Variants in ATRX observed in about 807,000 individuals in gnomAD.
ATRX encodes the protein chromatin remodeler ATRX.
ATRX carries 12 observed loss-of-function variants against 172.6 expected under a neutral mutation model. The ratio of observed to expected loss-of-function variants is 0.07; its 90% CI spans 0.04 to 0.11. ATRX has a LOEUF of 0.11. Ranked by LOEUF, ATRX falls within the 10% of genes least tolerant of loss-of-function variation. ATRX has a pLI of 1.00. For synonymous variants in ATRX, 674 were observed against 594.7 expected (o/e 1.13, Z -1.94); for missense variants, 1,368 against 1,767.4 (o/e 0.77, Z 4.05).
chrX:77,782,643 C>T (rs1440068190), intron 1 of ATRX, among the ~76,000 whole-genome samples: 1 of 111,490 alleles, frequency 9.0e-6, no homozygotes, highest in Non-Finnish European at 1.9e-5. Context: ...ATCCCAGCTA[C>T]TTGGGAGGCT....
chrX:77,572,235 A>G (rs192880620), intron 28 of ATRX, among the ~76,000 whole-genome samples: 70 of 111,412 alleles, frequency 6.3e-4, no homozygotes, highest in African/African-American at 2.1e-3. Flanking sequence ...GAAATCCTAA[A>G]TTCACCAAAC....
At chrX:77,739,297 GT>G (rs1885195581) in intron 1 of ATRX, among the ~76,000 whole-genome samples, 1 of 109,526 alleles carries the variant, frequency 9.1e-6, no homozygotes, top group Non-Finnish European at 1.9e-5. Flanking sequence ...TCCCATCCAG[GT>G]TACTGCAAAT....
Position 77,657,946 on chromosome X carries a change from C to T in ATRX, c.4121-1293G>A, listed in dbSNP as rs966129395. Among the ~76,000 whole-genome samples, 7 of 112,145 alleles carry T rather than the reference C, an allele frequency of 6.2e-5. No individual in the cohort carries two copies. In the South Asian group the frequency reaches 2.2e-3, roughly 36 times the overall value. The stretch of plus-strand genomic sequence containing the variant: ...ATTGACGGCTGGGCATGGTGGCTCA[C>T]CCCTGTAATCCCAGCCCTTTGGGAG... On this transcript the variant is annotated intron_variant, in intron 12 of 34. Transcript: ENST00000373344.
chrX:77,507,547 G>A lies in ATRX; in HGVS notation c.*804C>T, dbSNP rs1166922988. ...CAGTTAAGAGATGTGCTTTATATTC[G>A]TGCCAGGAGAGAGAAAATTCATGTG... On this transcript the variant is annotated 3_prime_UTR_variant, in exon 35 of 35. Coordinates refer to ENST00000373344, the MANE Select transcript of ATRX (RefSeq NM_000489.6). 1.7e-5 allele frequency: 3 copies of A among 173,087 alleles called. No homozygotes were observed. The highest frequency in any genetic ancestry group is 8.2e-5 in the East Asian group (1 of 12,223). The allele number at this position is 173,087 out of a possible 1,213,427, so 14.3% of individuals were successfully genotyped here.
intron 13 of ATRX, among the ~76,000 whole-genome samples, chrX:77,655,138 G>C (rs1318320194): frequency 9.0e-6 from 1 of 110,980 alleles, no homozygotes; most frequent in Non-Finnish European, 1.9e-5. Flanking sequence ...CTTCAGGGAA[G>C]AGGAAAAAGA....
chrX:77,558,942 C>CTGA, intron 28 of ATRX, 96 bp from the exon 29 acceptor site: 2 of 677,192 alleles, frequency 3.0e-6, no homozygotes, highest in Non-Finnish European at 4.5e-6. Flanking sequence ...TTTTTTTTAA[C>CTGA]TATCAAGAGT....
chrX:77,560,445 A>G (rs1343399586), intron 28 of ATRX, among the ~76,000 whole-genome samples: 1 of 111,038 alleles, frequency 9.0e-6, no homozygotes, highest in African/African-American at 3.3e-5. Flanking sequence ...GGTAAACATC[A>G]TGCTTGGTAG....
chrX:77,694,161 G>A (rs1035145854), intron 5 of ATRX, among the ~76,000 whole-genome samples: 2 of 111,832 alleles, frequency 1.8e-5, no homozygotes, highest in East Asian at 5.6e-4. Context: ...AACAGGAAAG[G>A]GAGGTATTAT....
intron 28 of ATRX, chrX:77,561,831 T>C: frequency 9.0e-6 from 1 of 111,589 alleles, no homozygotes; most frequent in Middle Eastern, 4.2e-3. Context: ...CAATACATTG[T>C]CAAAACCAGG....
At chrX:77,626,058 T>TGC (rs2067832088) in intron 19 of ATRX, among the ~76,000 whole-genome samples, 1 of 64,210 alleles carries the variant, frequency 1.6e-5, no homozygotes, top group African/African-American at 5.3e-5. Context: ...TATATATATA[T>TGC]ATATATATAT....
At chrX:77,700,293 C>A (rs781829675) in intron 2 of ATRX, among the ~76,000 whole-genome samples, 1 of 112,167 alleles carries the variant, frequency 8.9e-6, no homozygotes, top group South Asian at 3.7e-4. Context: ...TATACCCCTG[C>A]ATGCCTATTA....
chrX:77,785,930 A>C, intron 1 of ATRX, 52 bp downstream of exon 1: 1 of 1,162,723 alleles, frequency 8.6e-7, no homozygotes, highest in Non-Finnish European at 1.2e-6. Context: ...CCCGACTCAG[A>C]CGGTGCCTGG....
chrX:77,737,435 A>AAAG (rs1469081981), intron 1 of ATRX, among the ~76,000 whole-genome samples: 3 of 39,173 alleles, frequency 7.7e-5, no homozygotes, highest in African/African-American at 4.3e-4. Flanking sequence ...AAAAAAAAAA[A>AAAG]GGGGGGGGGG....
intron 15 of ATRX, among the ~76,000 whole-genome samples, chrX:77,637,939 C>CAA (rs373944111): frequency 1.9e-3 from 80 of 42,785 alleles, no homozygotes; most frequent in Non-Finnish European, 2.4e-3. Flanking sequence ...AGCTCCATCT[C>CAA]AAAAAAAAAA....
At chrX:77,752,506 T>G (rs1383565531) in intron 1 of ATRX, among the ~76,000 whole-genome samples, 1 of 112,276 alleles carries the variant, frequency 8.9e-6, no homozygotes, top group Non-Finnish European at 1.9e-5. Context: ...AACACTATGT[T>G]GAATAGGAGT....
chrX:77,663,455 G>A lies in ATRX; in HGVS notation c.4047C>T (p.Asp1349=), dbSNP rs199625659. 11 of 1,208,572 alleles carry A rather than the reference G, an allele frequency of 9.1e-6. No individual in the cohort carries two copies. The highest frequency in any genetic ancestry group is 3.0e-5 in the East Asian group (1 of 33,746). The stretch of plus-strand genomic sequence containing the variant: ...TCTTTTTTTCTTCTCCAGATTCTCC[G>A]TCACTCACAGTCAATTTGTGCCGCA... ...RLLRHKLTVS[D]GESGEEKKTK... is the part of the protein sequence containing the mutation. Residue 1349 remains aspartate, a synonymous_variant, in exon 12 of 35, where the codon GAC becomes GAT. Coordinates refer to ENST00000373344, the MANE Select transcript of ATRX (RefSeq NM_000489.6).
intron 1 of ATRX, among the ~76,000 whole-genome samples, chrX:77,732,068 T>C (rs782553476): frequency 4.1e-4 from 46 of 111,838 alleles, no homozygotes; most frequent in African/African-American, 1.4e-3. Flanking sequence ...AGGAGCACTG[T>C]TAACACCCCC....
At chrX:77,651,217 CAAAAAAA>C (rs1170232589) in intron 15 of ATRX, among the ~76,000 whole-genome samples, 5 of 16,482 alleles carry the variant, frequency 3.0e-4, no homozygotes, top group Admixed American at 1.4e-3. Context: ...AACTCCATCT[CAAAAAAA>C]AAAAAAAAAA....
intron 30 of ATRX, among the ~76,000 whole-genome samples, chrX:77,538,894 CA>C (rs1248304783): frequency 2.8e-5 from 3 of 106,073 alleles, no homozygotes; most frequent in African/African-American, 1.0e-4. Context: ...AACTTTGCTC[CA>C]TTTTTTTTTT....
Sources: gnomAD v4.1 joint callset for allele counts (sites outside exome capture counted in the v4.1 genomes callset) on GRCh38, gnomAD v4.1.1 for gene constraint, MANE v1.5 for transcripts, NCBI Gene and HGNC (gene_info 2026-07-23, HGNC 2026-07-21) for gene names.